The following PAQR5 variants were observed in gnomAD, a reference collection of about 807,000 sequenced individuals.
PAQR5 encodes progestin and adipoQ receptor family member 5.
Under a neutral mutation model 34.5 loss-of-function variants are expected in PAQR5, and 20 were observed. The observed-to-expected ratio is 0.58, with a 90% CI of 0.41 to 0.84. The LOEUF (loss-of-function observed/expected upper bound fraction) is 0.84, where lower values mean the gene tolerates loss of function less well. Ranked by LOEUF, PAQR5 falls within the 40% of genes least tolerant of loss-of-function variation. The pLI is 0.00. For synonymous variants in PAQR5, 131 were observed against 155.6 expected (o/e 0.84, Z 1.18); for missense variants, 378 against 412.7 (o/e 0.92, Z 0.73).
chr15:69,310,183 C>T (rs2053800266), intron 1 of PAQR5, among the ~76,000 whole-genome samples: 1 of 152,152 alleles, frequency 6.6e-6, no homozygotes, highest in Non-Finnish European at 1.5e-5. Flanking sequence ...AGCCTTTTGC[C>T]ACCACAAATG....
Position 69,404,616 on chromosome 15 carries a change from T to C in PAQR5, c.*794T>C, listed in dbSNP as rs1162982514. On this transcript the variant is annotated 3_prime_UTR_variant, in exon 9 of 9. Coordinates refer to ENST00000395407, the MANE Select transcript of PAQR5 (RefSeq NM_017705.4). ...TAAGAGTTGACTGAGTTAATCCCAA[T>C]TGGTTGTGCTCATATGCCACCTTTT... The C allele has an allele frequency of 4.4e-6, 1 of 229,008 alleles. No individual in the cohort carries two copies. Among genetic ancestry groups the C allele is most frequent in the Admixed American group, 5.7e-5 (1 of 17,644 alleles). 14.2% of individuals were successfully genotyped at this position (229,008 alleles called of 1,614,324 possible).
At chr15:69,396,150 C>T (rs1451198536) in intron 6 of PAQR5, among the ~76,000 whole-genome samples, 3 of 151,044 alleles carry the variant, frequency 2.0e-5, no homozygotes, top group African/African-American at 7.3e-5. Flanking sequence ...GAAGTCCCTG[C>T]ATACTCCATG....
intron 1 of PAQR5, among the ~76,000 whole-genome samples, chr15:69,327,245 C>T (rs904864022): frequency 6.6e-6 from 1 of 152,144 alleles, no homozygotes; most frequent in Non-Finnish European, 1.5e-5. Flanking sequence ...GATCTTCCCG[C>T]CTCAGCCTCC....
intron 1 of PAQR5, among the ~76,000 whole-genome samples, chr15:69,318,243 C>T (rs1057345928): frequency 5.9e-5 from 9 of 152,234 alleles, no homozygotes; most frequent in South Asian, 2.1e-4. Context: ...CTGGGACAGA[C>T]GGTGTGGTGG....
intron 3 of PAQR5, among the ~76,000 whole-genome samples, chr15:69,367,677 A>G (rs1285987342): frequency 2.0e-5 from 3 of 152,244 alleles, no homozygotes; most frequent in African/African-American, 7.2e-5. Flanking sequence ...TGGGAGAAGA[A>G]GAAGAGAAAG....
At chr15:69,360,703 G>T (rs1404117423) in intron 3 of PAQR5, among the ~76,000 whole-genome samples, 2 of 152,230 alleles carry the variant, frequency 1.3e-5, no homozygotes, top group Admixed American at 1.3e-4. Flanking sequence ...CTGGTTGTGT[G>T]CTACAGAGAA....
intron 1 of PAQR5, among the ~76,000 whole-genome samples, chr15:69,313,806 G>T (rs2053882322): frequency 6.6e-6 from 1 of 152,078 alleles, no homozygotes; most frequent in Non-Finnish European, 1.5e-5. Context: ...GCCTAAGAAG[G>T]AAAGGGACAG....
intron 1 of PAQR5, among the ~76,000 whole-genome samples, chr15:69,300,472 C>T (rs1326493276): frequency 2.0e-5 from 3 of 152,150 alleles, no homozygotes; most frequent in African/African-American, 7.2e-5. Context: ...AGGTGTCCAG[C>T]CCCACCACTG....
chr15:69,368,241 T>C (rs1476228766), intron 3 of PAQR5, among the ~76,000 whole-genome samples: 1 of 152,234 alleles, frequency 6.6e-6, no homozygotes, highest in Non-Finnish European at 1.5e-5. Flanking sequence ...TTAGCAAAGA[T>C]GTGGTTTCAC....
rs2056392893 is a variant in PAQR5, at chr15:69,395,348, G to A, written c.513-2120G>A. Among the ~76,000 whole-genome samples, 6 of 152,218 alleles carry A rather than the reference G, an allele frequency of 3.9e-5. No individual in the cohort carries two copies. In the South Asian group the frequency reaches 1.2e-3, roughly 32 times the overall value. ...ACACTTGGGGGCCAGAAAGCCCAGG[G>A]TTTAAATCCTAGCTCTGCTTCTTAT... On this transcript the variant is annotated intron_variant, in intron 6 of 8. Coordinates refer to ENST00000395407, the MANE Select transcript of PAQR5 (RefSeq NM_017705.4).
intron 4 of PAQR5, among the ~76,000 whole-genome samples, chr15:69,380,934 C>T (rs1241518966): frequency 6.6e-6 from 1 of 152,156 alleles, no homozygotes; most frequent in Non-Finnish European, 1.5e-5. Context: ...CCCAGGCTCC[C>T]CGCACAGGGG....
chr15:69,314,068 G>A (rs2053888080), intron 1 of PAQR5, among the ~76,000 whole-genome samples: 1 of 152,196 alleles, frequency 6.6e-6, no homozygotes, highest in South Asian at 2.1e-4. Flanking sequence ...CTTGCTGAAA[G>A]GGAGTGATAG....
At chr15:69,397,254 T>C in intron 6 of PAQR5, 1 of 686,402 alleles carries the variant, frequency 1.5e-6, no homozygotes, top group Non-Finnish European at 2.7e-6. Context: ...GGAGATGGTG[T>C]CCCTGGAGAT....
intron 4 of PAQR5, among the ~76,000 whole-genome samples, chr15:69,380,992 A>G: frequency 6.6e-6 from 1 of 152,266 alleles, no homozygotes; most frequent in African/African-American, 2.4e-5. Flanking sequence ...GCCAAAATGC[A>G]GGGGCAGGCT....
At chr15:69,302,164 C>G (rs544329317) in intron 1 of PAQR5, among the ~76,000 whole-genome samples, 3 of 151,998 alleles carry the variant, frequency 2.0e-5, no homozygotes, top group African/African-American at 7.3e-5. Flanking sequence ...CTCCGCCTCC[C>G]GGTCTCGAGC....
chr15:69,344,062 G>A (rs779519903), intron 2 of PAQR5, among the ~76,000 whole-genome samples: 4 of 152,044 alleles, frequency 2.6e-5, no homozygotes, highest in Non-Finnish European at 5.9e-5. Context: ...TTGAACTCCC[G>A]GACTCAAGCA....
At chr15:69,317,237 G>A (rs1407272827) in intron 1 of PAQR5, among the ~76,000 whole-genome samples, 1 of 152,226 alleles carries the variant, frequency 6.6e-6, no homozygotes, top group Non-Finnish European at 1.5e-5. Context: ...CAAAGCCTGG[G>A]TGAGCTGACT....
At chr15:69,314,231 C>T (rs1370558045) in intron 1 of PAQR5, among the ~76,000 whole-genome samples, 1 of 151,798 alleles carries the variant, frequency 6.6e-6, no homozygotes, top group Non-Finnish European at 1.5e-5. Context: ...AAATTGTGTG[C>T]AGGAGGATGA....
chr15:69,303,985 G>A (rs531984782), intron 1 of PAQR5, among the ~76,000 whole-genome samples: 1 of 152,200 alleles, frequency 6.6e-6, no homozygotes, highest in Non-Finnish European at 1.5e-5. Flanking sequence ...GCTGGGGGAA[G>A]GACTCCAGAA....
Sources: allele counts gnomAD v4.1 joint callset (sites outside exome capture counted in the v4.1 genomes callset), GRCh38; gene constraint gnomAD v4.1.1; transcripts MANE v1.5; gene names NCBI Gene and HGNC (gene_info 2026-07-23, HGNC 2026-07-21).